Variants in CABIN1 observed in about 807,000 individuals in gnomAD.
The protein encoded by CABIN1 is calcineurin binding protein 1.
A neutral mutation model predicts 227.7 loss-of-function variants in CABIN1; 133 were observed. The ratio of observed to expected loss-of-function variants is 0.58; its 90% CI spans 0.51 to 0.67. The LOEUF is 0.67. Among genes scored for constraint, CABIN1 ranks in the 30% least tolerant of loss-of-function variants. The pLI is 0.00. For synonymous variants in CABIN1, 1,086 were observed against 1,155.1 expected (o/e 0.94, Z 1.21); for missense variants, 2,408 against 2,852.5 (o/e 0.84, Z 3.55).
chr22:24,084,737 C>G lies in CABIN1; in HGVS notation c.3069C>G (p.Ala1023=), dbSNP rs1329608559. 1 of 1,614,202 alleles carries G rather than the reference C, an allele frequency of 6.2e-7. No individual in the cohort carries two copies. The highest frequency in any genetic ancestry group is 1.1e-5 in the South Asian group (1 of 91,078). The change falls in exon 21 of 37, where the codon GCC becomes GCG. Residue 1023 remains alanine (A), a synonymous_variant. Coordinates refer to ENST00000263119, the MANE Select transcript of CABIN1 (RefSeq NM_012295.4). The part of the protein sequence containing the change: ...ATIVPRTERP[A]LSLDKVSAYI... The stretch of plus-strand genomic sequence containing the variant: ...TTGTGCCTCGCACAGAGAGGCCAGC[C>G]CTTAGCCTGGACAAAGTCTCTGCCT...
At chr22:24,060,276 T>G (rs1321171464) in intron 12 of CABIN1, 135 bp downstream of exon 12, 1 of 849,266 alleles carries the variant, frequency 1.2e-6, no homozygotes, top group African/African-American at 1.7e-5. Flanking sequence ...TTTTTGTGGG[T>G]GTCGAAGCAG....
chr22:24,075,258 C>T (rs141814854), intron 18 of CABIN1, among the ~76,000 whole-genome samples: 105 of 152,188 alleles, frequency 6.9e-4, no homozygotes, highest in African/African-American at 2.2e-3. Flanking sequence ...TTACTAGTGG[C>T]TTCTGACATG....
intron 17 of CABIN1, among the ~76,000 whole-genome samples, chr22:24,071,498 C>G (rs1465524035): frequency 6.6e-6 from 1 of 152,074 alleles, no homozygotes; most frequent in Non-Finnish European, 1.5e-5. Flanking sequence ...ACTCTGGGCT[C>G]TCTCCTCAAT....
chr22:24,091,598 G>A lies in CABIN1; in HGVS notation c.3541G>A (p.Asp1181Asn), dbSNP rs377248020. Residue 1181 changes from aspartate (D) to asparagine (N), a missense_variant, in exon 24 of 37, where the codon GAC (aspartate) becomes AAC (asparagine). By Grantham distance (23) the Asp-to-Asn change is conservative. Transcript: ENST00000263119. Reference protein sequence around the residue: ...ELVQQMEGRRDSMLETAKHCF... With the variant: ...ELVQQMEGRRNSMLETAKHCF... Reference sequence around the variant, plus strand: ...CTTCTTACAGATGGAGGGCCGGCGCGACAGCATGCTAGAGACAGCCAAGCA... The same window carrying A: ...CTTCTTACAGATGGAGGGCCGGCGCAACAGCATGCTAGAGACAGCCAAGCA... The A allele has an allele frequency of 1.6e-5, 26 of 1,614,036 alleles. No homozygotes were observed. The highest frequency in any genetic ancestry group is 1.3e-4 in the South Asian group (12 of 91,066).
At chr22:24,149,590 G>A (rs550776411) in intron 29 of CABIN1, among the ~76,000 whole-genome samples, 8 of 152,360 alleles carry the variant, frequency 5.3e-5, no homozygotes, top group Admixed American at 3.3e-4. Context: ...TACAAGTTTT[G>A]AAATGCTGAT....
chr22:24,017,119 C>T (rs759020112), intron 1 of CABIN1, among the ~76,000 whole-genome samples: 20 of 151,174 alleles, frequency 1.3e-4, no homozygotes, highest in Non-Finnish European at 2.4e-4. Flanking sequence ...TCACTGCAAC[C>T]TCCACCTCTT....
intron 26 of CABIN1, among the ~76,000 whole-genome samples, chr22:24,110,397 A>G (rs570726286): frequency 5.3e-5 from 8 of 152,192 alleles, no homozygotes; most frequent in Admixed American, 2.0e-4. Flanking sequence ...CCCACAATAC[A>G]TTGCTACTAT....
intron 29 of CABIN1, among the ~76,000 whole-genome samples, chr22:24,160,052 G>A (rs1237750626): frequency 6.6e-6 from 1 of 152,164 alleles, no homozygotes; most frequent in Non-Finnish European, 1.5e-5. Flanking sequence ...GACTTGAGGT[G>A]GGCGAGTCTG....
chr22:24,065,494 G>A (rs1290974464), intron 15 of CABIN1, among the ~76,000 whole-genome samples: 2 of 151,378 alleles, frequency 1.3e-5, no homozygotes, highest in South Asian at 2.1e-4. Context: ...GATGGTGTCC[G>A]GGCAGAGACG....
At position 24,063,110 on chromosome 22, in the gene CABIN1, T is replaced by C. The variant is rs779254080; in HGVS notation, c.1848T>C (p.Arg616=). ...ATGGTTGGCTGGAGTTTGTGGTCCGTGTTTACTGGCTGAAGGCTCGCTTCC... is the reference window on the plus strand; with the variant it reads ...ATGGTTGGCTGGAGTTTGTGGTCCGCGTTTACTGGCTGAAGGCTCGCTTCC... ...FEDGWLEFVV[R]VYWLKARFLA... is the part of the protein sequence containing the mutation. Residue 616 remains arginine (R), a synonymous_variant, in exon 14 of 37, where the codon CGT becomes CGC. Coordinates refer to ENST00000263119, the MANE Select transcript of CABIN1 (RefSeq NM_012295.4). 2 of 1,614,130 alleles carry C rather than the reference T, an allele frequency of 1.2e-6. No homozygotes were observed. Among genetic ancestry groups the C allele is most frequent in the East Asian group, 2.2e-5 (1 of 44,870 alleles).
intron 29 of CABIN1, chr22:24,155,782 A>C: frequency 2.6e-6 from 1 of 388,584 alleles, no homozygotes; most frequent in Middle Eastern, 6.7e-4. Flanking sequence ...ACTCCTGGCC[A>C]CCCCTACACC....
At chr22:24,067,209 C>A in intron 16 of CABIN1, 28 bp downstream of exon 16, 1 of 1,608,704 alleles carries the variant, frequency 6.2e-7, no homozygotes, top group South Asian at 1.1e-5. Context: ...CCCTCACACC[C>A]ACTTGCACCT....
chr22:24,027,709 T>A (rs1181696841), intron 1 of CABIN1, among the ~76,000 whole-genome samples: 1 of 152,264 alleles, frequency 6.6e-6, no homozygotes, highest in Non-Finnish European at 1.5e-5. Flanking sequence ...CCCCTTTTGC[T>A]TTGTCATGCT....
At chr22:24,108,970 G>A (rs565734634) in intron 26 of CABIN1, among the ~76,000 whole-genome samples, 47 of 152,352 alleles carry the variant, frequency 3.1e-4, no homozygotes, top group Middle Eastern at 3.4e-3. Context: ...CTGACATTTT[G>A]TGAACCTTTA....
chr22:24,172,105 C>T, intron 34 of CABIN1, 110 bp downstream of exon 34: 1 of 1,325,292 alleles, frequency 7.5e-7, no homozygotes, highest in Non-Finnish European at 1.0e-6. Context: ...CCCTCCCGCC[C>T]AGTCGATCCC....
Position 24,042,818 on chromosome 22 carries a change from CTGTGTGTGTGTGTGTG to C in CABIN1, c.346-42_346-27del, listed in dbSNP as rs56070926. On this transcript the variant is annotated intron_variant, in intron 5 of 36. Transcript: ENST00000263119. ...GGTGCATATTCAAGGAGAGATCTGA[CTGTGTGTGTGTGTGTG>C]TGTGTGTGTGTGTGTGTGTGTGTGT... 2.3e-3 allele frequency: 1,588 copies of C among 687,158 alleles called. 7 individuals are homozygous for C. Among genetic ancestry groups the C allele is most frequent in the South Asian group, 0.012 (713 of 61,400 alleles). 42.6% of individuals were successfully genotyped at this position (687,158 alleles called of 1,614,324 possible).
Position 24,049,133 on chromosome 22 carries a change from G to A in CABIN1, c.569G>A (p.Arg190Gln), listed in dbSNP as rs1171399032. Residue 190 changes from arginine (R) to glutamine (Q), a missense_variant, in exon 7 of 37, where the codon CGG (arginine) becomes CAG (glutamine). Arg to Gln is a conservative substitution (Grantham distance 43). Coordinates refer to ENST00000263119, the MANE Select transcript of CABIN1 (RefSeq NM_012295.4). ...TGCAAAGCTTTGGAGAAGGATTGCC[G>A]GTACAGCAAAGGGCTGGTCCTCAAG... ...FICKALEKDC[R>Q]YSKGLVLKEK... 1.3e-5 allele frequency: 21 copies of A among 1,613,960 alleles called. No homozygotes were observed. The highest frequency in any genetic ancestry group is 1.6e-4 in the Middle Eastern group (1 of 6,084).
intron 29 of CABIN1, among the ~76,000 whole-genome samples, chr22:24,157,693 G>A (rs2045919270): frequency 6.6e-6 from 1 of 152,160 alleles, no homozygotes; most frequent in South Asian, 2.1e-4. Context: ...TGACTTGTGT[G>A]GGTTTGTGGG....
At chr22:24,035,907 C>G (rs2036846898) in intron 2 of CABIN1, among the ~76,000 whole-genome samples, 182 bp from the exon 3 acceptor site, 1 of 127,220 alleles carries the variant, frequency 7.9e-6, no homozygotes, top group Non-Finnish European at 1.6e-5. Flanking sequence ...ACCCCCCGCC[C>G]TTCTTTTTTT....
Sources: allele counts gnomAD v4.1 joint callset (sites outside exome capture counted in the v4.1 genomes callset), GRCh38; gene constraint gnomAD v4.1.1; transcripts MANE v1.5; gene names NCBI Gene and HGNC (gene_info 2026-07-23, HGNC 2026-07-21).